Variants in GFOD1 observed in about 807,000 individuals in gnomAD.
GFOD1 encodes glucose-fructose oxidoreductase domain-containing protein 1.
Under a neutral mutation model 25.4 loss-of-function variants are expected in GFOD1, and 9 were observed. The observed-to-expected ratio is 0.35, with a 90% confidence interval of 0.21 to 0.62. The LOEUF (loss-of-function observed/expected upper bound fraction) is 0.62. GFOD1 is among the 20% of genes least tolerant of loss of function. The pLI is 0.72. For synonymous variants in GFOD1, 253 were observed against 245.6 expected (o/e 1.03, Z -0.28); for missense variants, 403 against 556.9 (o/e 0.72, Z 2.78).
At chr6:13,454,955 C>T (rs1758162687) in intron 1 of GFOD1, among the ~76,000 whole-genome samples, 1 of 152,162 alleles carries the variant, frequency 6.6e-6, no homozygotes, top group Non-Finnish European at 1.5e-5. Context: ...TTCTGGTTGT[C>T]TTGATATCAA....
intron 1 of GFOD1, among the ~76,000 whole-genome samples, chr6:13,380,057 T>C (rs1429647266): frequency 6.6e-6 from 1 of 152,250 alleles, no homozygotes; most frequent in Non-Finnish European, 1.5e-5. Flanking sequence ...CATAAATGTC[T>C]GCTCAAGTCA....
In GFOD1 at chr6:13,365,271, G is replaced by T. The variant is rs763314839; in HGVS notation, c.645C>A (p.Ile215=). The change falls in exon 2 of 2, where the codon ATC becomes ATA. Residue 215 remains isoleucine, a synonymous_variant. Coordinates refer to ENST00000379287, the MANE Select transcript of GFOD1 (RefSeq NM_018988.4). This position sits in a 1 kb window ranked among gnomAD's most constrained non-coding sequence, Gnocchi z 9.2. ...GGAAGGTGCAGAAGTCATCGCTGGT[G>T]ATCTGTCGGATGCCCTTGATGTGGT... The part of the protein sequence containing the change: ...QTDHIKGIRQ[I]TSDDFCTFQM... 10 of 1,614,098 alleles carry T rather than the reference G, an allele frequency of 6.2e-6. No individual in the cohort carries two copies. In the Admixed American group the frequency reaches 1.0e-4, roughly 16 times the overall value.
chr6:13,371,054 C>T (rs771078787), intron 1 of GFOD1, among the ~76,000 whole-genome samples: 3 of 152,220 alleles, frequency 2.0e-5, no homozygotes, highest in Non-Finnish European at 4.4e-5. Flanking sequence ...AAAGCACTCT[C>T]TCCCATTTAA....
chr6:13,409,094 A>AAAG (rs1464573574), intron 1 of GFOD1, among the ~76,000 whole-genome samples: 1 of 56,184 alleles, frequency 1.8e-5, no homozygotes, highest in African/African-American at 4.3e-5. Context: ...GAAAGGAAAG[A>AAAG]AAGAAAGAAA....
intron 1 of GFOD1, among the ~76,000 whole-genome samples, chr6:13,418,031 G>A (rs904086662): frequency 6.6e-6 from 1 of 152,206 alleles, no homozygotes; most frequent in Non-Finnish European, 1.5e-5. Context: ...ACTTTCTAAA[G>A]CTGAATGCCT....
intron 1 of GFOD1, among the ~76,000 whole-genome samples, chr6:13,402,245 C>T (rs986655084): frequency 6.6e-6 from 1 of 152,138 alleles, no homozygotes; most frequent in Non-Finnish European, 1.5e-5. Context: ...CCAAAGGAAA[C>T]ACAGGAGTAA....
intron 1 of GFOD1, among the ~76,000 whole-genome samples, chr6:13,457,003 G>A (rs886186614): frequency 6.6e-6 from 1 of 152,212 alleles, no homozygotes; most frequent in African/African-American, 2.4e-5. Flanking sequence ...GGTGATTTCA[G>A]TGGCCCACCT....
chr6:13,423,810 G>A lies in GFOD1; in HGVS notation c.254-58148C>T, dbSNP rs114436133. Among the ~76,000 whole-genome samples the A allele has an allele frequency of 2.0e-3, 303 of 152,262 alleles. 1 individual carries two copies. The highest frequency in any genetic ancestry group is 6.9e-3 in the African/African-American group (287 of 41,556). ...ATCCTTTTTGATCTACCTCCCGCCC[G>A]AAGCAAGAGCATCCTCAGCAGATGG... On this transcript the variant is annotated intron_variant, in intron 1 of 1. Coordinates refer to ENST00000379287, the MANE Select transcript of GFOD1 (RefSeq NM_018988.4).
intron 1 of GFOD1, chr6:13,470,458 G>A (rs766984405): frequency 2.6e-5 from 41 of 1,550,168 alleles, no homozygotes; most frequent in Non-Finnish European, 3.5e-5. Flanking sequence ...GCATCCCTAA[G>A]GGCTTGAAAC....
intron 1 of GFOD1, among the ~76,000 whole-genome samples, chr6:13,382,456 C>T (rs1785386509): frequency 6.6e-6 from 1 of 152,088 alleles, no homozygotes; most frequent in African/African-American, 2.4e-5. Context: ...TTGCCTGCCA[C>T]CATGTAAGAT....
At chr6:13,381,945 A>ATG in intron 1 of GFOD1, among the ~76,000 whole-genome samples, 1 of 151,542 alleles carries the variant, frequency 6.6e-6, no homozygotes, top group Admixed American at 6.6e-5. Context: ...ACACACACAC[A>ATG]CACACACAAA....
At chr6:13,446,109 C>T (rs965281423) in intron 1 of GFOD1, among the ~76,000 whole-genome samples, 1 of 152,218 alleles carries the variant, frequency 6.6e-6, no homozygotes, top group African/African-American at 2.4e-5. Flanking sequence ...ACCAATTGTT[C>T]TGTCCACTTT....
At chr6:13,469,615 A>C (rs1195796243) in intron 1 of GFOD1, 3 of 1,110,714 alleles carry the variant, frequency 2.7e-6, no homozygotes, top group Middle Eastern at 4.2e-4. Context: ...AGCCATGTAC[A>C]CTTGCCAAAA....
intron 1 of GFOD1, among the ~76,000 whole-genome samples, chr6:13,389,005 A>G (rs1397672631): frequency 6.6e-6 from 1 of 152,252 alleles, no homozygotes; most frequent in Non-Finnish European, 1.5e-5. Flanking sequence ...CAACAGACAC[A>G]TGAAAAAATG....
At chr6:13,467,524 T>C (rs1282006851) in intron 1 of GFOD1, among the ~76,000 whole-genome samples, 1 of 152,158 alleles carries the variant, frequency 6.6e-6, no homozygotes, top group Admixed American at 6.5e-5. Context: ...TAACCATTTA[T>C]ACCAACACAG....
intron 1 of GFOD1, among the ~76,000 whole-genome samples, chr6:13,406,868 C>G (rs1785956212): frequency 6.6e-6 from 1 of 152,174 alleles, no homozygotes; most frequent in South Asian, 2.1e-4. Context: ...ATAAAGACCT[C>G]TGGCTGTCCT....
At chr6:13,378,551 T>A (rs1312087391) in intron 1 of GFOD1, among the ~76,000 whole-genome samples, 1 of 152,158 alleles carries the variant, frequency 6.6e-6, no homozygotes, top group African/African-American at 2.4e-5. Context: ...ACTGAAAGAT[T>A]ATTATCGAGA....
chr6:13,468,692 G>A (rs1758420990), intron 1 of GFOD1, among the ~76,000 whole-genome samples: 1 of 152,112 alleles, frequency 6.6e-6, no homozygotes, highest in Non-Finnish European at 1.5e-5. Context: ...GGTTTCCCCT[G>A]GGTGTTAGGA....
At chr6:13,425,468 C>T (rs1786335954) in intron 1 of GFOD1, among the ~76,000 whole-genome samples, 1 of 152,094 alleles carries the variant, frequency 6.6e-6, no homozygotes, top group Non-Finnish European at 1.5e-5. Flanking sequence ...GTTCCCCAGG[C>T]CAGAGCTAAA....
Sources: allele counts gnomAD v4.1 joint callset (sites outside exome capture counted in the v4.1 genomes callset), GRCh38; gene constraint gnomAD v4.1.1; non-coding constraint Gnocchi (gnomAD v3.1); transcripts MANE v1.5; gene names NCBI Gene and HGNC (gene_info 2026-07-23, HGNC 2026-07-21).